Variants in OTULINL observed in about 807,000 individuals in gnomAD.
OTULINL encodes the protein OTU deubiquitinase with linear linkage specificity like.
Under a neutral mutation model 43.9 loss-of-function variants are expected in OTULINL, and 42 were observed. The observed-to-expected ratio is 0.96, with a 90% CI of 0.75 to 1.24. The LOEUF is 1.24. Among genes scored for constraint, OTULINL ranks in the 50% most tolerant of loss-of-function variants. The pLI is 0.00. For missense variants in OTULINL, 411 were observed against 426.4 expected (o/e 0.96, Z 0.32); for synonymous variants, 172 against 153.6 (o/e 1.12, Z -0.88).
intron 1 of OTULINL, among the ~76,000 whole-genome samples, chr5:14,591,423 G>T (rs1050741442): frequency 2.0e-5 from 3 of 152,162 alleles, no homozygotes; most frequent in African/African-American, 7.2e-5. Flanking sequence ...AAAGTTCTAG[G>T]CCTCCCTCCC....
chr5:14,587,509 A>G (rs1579914802), intron 1 of OTULINL, among the ~76,000 whole-genome samples: 1 of 152,212 alleles, frequency 6.6e-6, no homozygotes, highest in Non-Finnish European at 1.5e-5. Flanking sequence ...GTTTGTAGCT[A>G]AAGTTAGGTT....
In OTULINL at chr5:14,612,498, AAAGT is replaced by A. The variant is rs1274550982; in HGVS notation, c.*2188_*2191del. On this transcript the variant is annotated 3_prime_UTR_variant, in exon 8 of 8. Transcript: ENST00000274217. Reference sequence around the variant, plus strand: ...AAAGATTTCAATCCAGTGAAAGTAAAAAGTAAGAAGACATTTAGATAGTTGCTAT... The same window carrying A: ...AAAGATTTCAATCCAGTGAAAGTAAAAAGAAGACATTTAGATAGTTGCTAT... 6 of 152,366 alleles carry A rather than the reference AAAGT, an allele frequency of 3.9e-5. No homozygotes were observed. Among genetic ancestry groups the A allele is most frequent in the South Asian group, 2.1e-4 (1 of 4,834 alleles). 9.4% of individuals were successfully genotyped at this position (152,366 alleles called of 1,614,324 possible).
chr5:14,597,125 C>G (rs761508835), intron 1 of OTULINL, among the ~76,000 whole-genome samples: 6 of 152,150 alleles, frequency 3.9e-5, no homozygotes, highest in Non-Finnish European at 7.3e-5. Context: ...AAAGTTTTCT[C>G]TGCAAAATAA....
At position 14,607,473 on chromosome 5, in the gene OTULINL, G is replaced by T; in HGVS notation, c.627+15G>T. ...TGAAAACACAGGTAAGTGTTTGCGG[G>T]GGAAATAAAAAGACTAGGAATAAAA... On this transcript the variant is annotated intron_variant, in intron 6 of 7. Transcript: ENST00000274217. The T allele has an allele frequency of 6.2e-7, 1 of 1,612,464 alleles. No individual in the cohort carries two copies. Among genetic ancestry groups the T allele is most frequent in the South Asian group, 1.1e-5 (1 of 90,680 alleles).
At chr5:14,600,272 C>T (rs183567506) in intron 1 of OTULINL, among the ~76,000 whole-genome samples, 2 of 152,312 alleles carry the variant, frequency 1.3e-5, no homozygotes, top group African/African-American at 4.8e-5. Context: ...GTTTGCTTCC[C>T]CTTCTGCCAT....
intron 1 of OTULINL, among the ~76,000 whole-genome samples, chr5:14,595,835 A>G (rs1475124029): frequency 6.6e-6 from 1 of 152,068 alleles, no homozygotes; most frequent in Middle Eastern, 3.4e-3. Context: ...TCGGGGTCCC[A>G]ACATGCATTA....
chr5:14,600,032 T>C (rs1304184603), intron 1 of OTULINL, among the ~76,000 whole-genome samples: 1 of 152,122 alleles, frequency 6.6e-6, no homozygotes, highest in South Asian at 2.1e-4. Flanking sequence ...GAAGTGGATA[T>C]TGGAGACTGA....
At position 14,610,325 on chromosome 5, in the gene OTULINL, G is replaced by A; in HGVS notation, c.*11G>A. On this transcript the variant is annotated 3_prime_UTR_variant, in exon 8 of 8. Coordinates refer to ENST00000274217, the MANE Select transcript of OTULINL (RefSeq NM_019018.3). ...ATTCCAGTCTTTTAAGTCCGCTGGG[G>A]GCCGAACAGCAGTGCTCACCAGTGA... 6.2e-7 allele frequency: 1 copy of A among 1,611,956 alleles called. No individual in the cohort carries two copies. Among genetic ancestry groups the A allele is most frequent in the African/African-American group, 1.3e-5 (1 of 74,924 alleles).
rs534293037 is a variant in OTULINL, at chr5:14,611,998, C to T, written c.*1684C>T. The T allele has an allele frequency of 6.6e-6, 1 of 152,224 alleles. No homozygotes were observed. The highest frequency in any genetic ancestry group is 2.4e-5 in the African/African-American group (1 of 41,546). 9.4% of individuals were successfully genotyped at this position (152,224 alleles called of 1,614,324 possible). On this transcript the variant is annotated 3_prime_UTR_variant, in exon 8 of 8. Transcript: ENST00000274217. ...GAACCATGTCTGATGGTAGCTTGTT[C>T]CCACTGTCATTTTGTTTTCTGGTTG... is the stretch of plus-strand genomic sequence containing the variant.
intron 1 of OTULINL, among the ~76,000 whole-genome samples, chr5:14,584,276 A>G (rs1759067578): frequency 1.3e-5 from 2 of 152,176 alleles, no homozygotes; most frequent in South Asian, 4.1e-4. Flanking sequence ...ACCACTGTCC[A>G]TCTGTTCAGT....
chr5:14,594,268 T>C (rs17248579), intron 1 of OTULINL, among the ~76,000 whole-genome samples: 33,167 of 152,210 alleles, frequency 0.22, 3,911 homozygotes, highest in Middle Eastern at 0.32. Flanking sequence ...GAAAACTTGA[T>C]GGCCTAACAG....
chr5:14,608,179 T>A (rs939106153), intron 6 of OTULINL, among the ~76,000 whole-genome samples: 1 of 152,186 alleles, frequency 6.6e-6, no homozygotes, highest in African/African-American at 2.4e-5. Flanking sequence ...TTGAAAAAAA[T>A]ATTTTATCTA....
At chr5:14,597,889 G>GT (rs150334826) in intron 1 of OTULINL, among the ~76,000 whole-genome samples, 10 of 151,622 alleles carry the variant, frequency 6.6e-5, no homozygotes, top group Admixed American at 2.0e-4. Flanking sequence ...TGTGTTCTAG[G>GT]TTTTTTTTTC....
intron 1 of OTULINL, among the ~76,000 whole-genome samples, chr5:14,583,312 G>T (rs1448403831): frequency 6.6e-6 from 1 of 152,152 alleles, no homozygotes; most frequent in Non-Finnish European, 1.5e-5. Flanking sequence ...ACTCTCAAAA[G>T]TTTGGAGAAT....
At chr5:14,595,744 C>G (rs1406675652) in intron 1 of OTULINL, among the ~76,000 whole-genome samples, 2 of 133,346 alleles carry the variant, frequency 1.5e-5, no homozygotes, top group African/African-American at 5.6e-5. Context: ...TTCTGATATT[C>G]ACTTTGTTGA....
At chr5:14,595,838 A>G (rs1450793447) in intron 1 of OTULINL, among the ~76,000 whole-genome samples, 1 of 151,980 alleles carries the variant, frequency 6.6e-6, no homozygotes, top group African/African-American at 2.4e-5. Context: ...GGGTCCCAAC[A>G]TGCATTAATG....
rs1274626608 is a variant in OTULINL at position 14,613,870 on chromosome 5, A to C, written c.*3556A>C. Among the ~76,000 whole-genome samples the C allele has an allele frequency of 1.3e-5, 2 of 152,164 alleles. No homozygotes were observed. Among genetic ancestry groups the C allele is most frequent in the Admixed American group, 6.5e-5 (1 of 15,274 alleles). ...TTAATTTTCCCAGGACTTTTCTGCA[A>C]ATGGGTATTGGATGGAAATATTTGT... On this transcript the variant is annotated 3_prime_UTR_variant, in exon 8 of 8. Transcript: ENST00000274217.
In OTULINL at chr5:14,610,536, T is replaced by A; in HGVS notation, c.*222T>A. The A allele has an allele frequency of 2.1e-6, 1 of 472,082 alleles. No homozygotes were observed. 29.2% of individuals were successfully genotyped at this position (472,082 alleles called of 1,614,324 possible). ...ACTGATACATTTGGGAGTTGGTGGCTTGACTTTGTCCATAAGGGGCGTGGC... is the reference window on the plus strand; with the variant it reads ...ACTGATACATTTGGGAGTTGGTGGCATGACTTTGTCCATAAGGGGCGTGGC... On this transcript the variant is annotated 3_prime_UTR_variant, in exon 8 of 8. Coordinates refer to ENST00000274217, the MANE Select transcript of OTULINL (RefSeq NM_019018.3).
chr5:14,581,966 TG>T lies in OTULINL; in HGVS notation c.64+12del, dbSNP rs1386985812. 1 of 985,074 alleles carries T rather than the reference TG, an allele frequency of 1.0e-6. No individual in the cohort carries two copies. Among genetic ancestry groups the T allele is most frequent in the Admixed American group, 4.1e-5 (1 of 24,380 alleles). 61.0% of individuals were successfully genotyped at this position (985,074 alleles called of 1,614,324 possible). A position where few individuals can be genotyped will look rare whatever the true frequency, so the allele number is the denominator to read the frequency against. On this transcript the variant is annotated intron_variant, in intron 1 of 7. Transcript: ENST00000274217. ...CTGGCGCTCCCGCCGCAGGTGAGCC[TG>T]GGGCCGGGCGGGGCGGGGCGGGGGG...
Sources: allele counts gnomAD v4.1 joint callset (sites outside exome capture counted in the v4.1 genomes callset), GRCh38; gene constraint gnomAD v4.1.1; transcripts MANE v1.5; gene names NCBI Gene and HGNC (gene_info 2026-07-23, HGNC 2026-07-21).